DNM3: variants seen among roughly 807,000 people sequenced by gnomAD.
The protein encoded by DNM3 is dynamin 3.
DNM3 carries 47 observed loss-of-function variants against 101.6 expected under a neutral mutation model. That is an observed-to-expected ratio of 0.46 (90% CI 0.37 to 0.59). The LOEUF (loss-of-function observed/expected upper bound fraction) is 0.59. Ranked by LOEUF, DNM3 falls within the 20% of genes least tolerant of loss-of-function variation. The pLI is 0.00. For missense variants in DNM3, 849 were observed against 1,085.7 expected (o/e 0.78, Z 3.06); for synonymous variants, 385 against 387.9 (o/e 0.99, Z 0.09).
chr1:172,377,226 C>CT (rs56205587), intron 17 of DNM3, among the ~76,000 whole-genome samples: 73,563 of 151,518 alleles, frequency 0.49, 20,508 homozygotes, highest in East Asian at 0.87. Context: ...GTTCTCAGAG[C>CT]TTGAATATAT....
intron 4 of DNM3, among the ~76,000 whole-genome samples, chr1:172,027,617 C>CACACACACACACAGAG (rs34981346): frequency 1.2e-4 from 17 of 147,128 alleles, no homozygotes; most frequent in African/African-American, 4.4e-4. Flanking sequence ...CACACACACA[C>CACACACACACACAGAG]AGAGAGAGAG....
At chr1:171,896,600 A>C (rs1008398621) in intron 1 of DNM3, among the ~76,000 whole-genome samples, 10 of 152,178 alleles carry the variant, frequency 6.6e-5, no homozygotes, top group Non-Finnish European at 1.3e-4. Flanking sequence ...GTAAGCAGGG[A>C]CAATTTGACT....
intron 4 of DNM3, among the ~76,000 whole-genome samples, chr1:171,999,201 A>T (rs2046211177): frequency 6.6e-6 from 1 of 152,042 alleles, no homozygotes; most frequent in South Asian, 2.1e-4. Context: ...GGGTGAGGTG[A>T]TGTGCTTTGG....
chr1:172,121,148 C>T (rs190670404), intron 13 of DNM3, among the ~76,000 whole-genome samples: 1 of 152,230 alleles, frequency 6.6e-6, no homozygotes, highest in East Asian at 1.9e-4. Context: ...TTTGGAATCC[C>T]TTCCACATGG....
intron 14 of DNM3, among the ~76,000 whole-genome samples, chr1:172,216,647 T>C (rs1009197070): frequency 4.6e-5 from 7 of 152,160 alleles, no homozygotes; most frequent in African/African-American, 1.7e-4. Context: ...AAATGGAATT[T>C]AACTCCTTGG....
At chr1:172,381,273 G>A (rs1325287398) in intron 18 of DNM3, among the ~76,000 whole-genome samples, 2 of 151,964 alleles carry the variant, frequency 1.3e-5, no homozygotes. Context: ...CTTCAATTAA[G>A]ATCTGATCAC....
At chr1:172,363,787 C>G (rs2067868708) in intron 17 of DNM3, among the ~76,000 whole-genome samples, 1 of 151,726 alleles carries the variant, frequency 6.6e-6, no homozygotes, top group Admixed American at 6.6e-5. Context: ...GCCATATACT[C>G]TTCTTCTCAA....
intron 14 of DNM3, among the ~76,000 whole-genome samples, chr1:172,246,431 T>C (rs1054598760): frequency 6.6e-6 from 1 of 152,042 alleles, no homozygotes; most frequent in Non-Finnish European, 1.5e-5. Flanking sequence ...GCAATTGTGA[T>C]GGGAAAAGAC....
At chr1:171,916,948 ATTTCTTC>A (rs2039760889) in intron 1 of DNM3, among the ~76,000 whole-genome samples, 1 of 151,928 alleles carries the variant, frequency 6.6e-6, no homozygotes, top group Non-Finnish European at 1.5e-5. Context: ...CCTACCTCAT[ATTTCTTC>A]TCAGATATTG....
chr1:172,012,264 G>T (rs1030846782), intron 4 of DNM3, among the ~76,000 whole-genome samples: 11 of 152,030 alleles, frequency 7.2e-5, no homozygotes, highest in African/African-American at 2.7e-4. Flanking sequence ...AGTTATTATA[G>T]TTAGATTCAG....
chr1:172,401,408 G>T (rs1479789996), intron 20 of DNM3, among the ~76,000 whole-genome samples: 1 of 152,188 alleles, frequency 6.6e-6, no homozygotes, highest in Non-Finnish European at 1.5e-5. Context: ...ACAATGTAAA[G>T]AAAGTGTGAC....
intron 7 of DNM3, among the ~76,000 whole-genome samples, chr1:172,040,118 C>T (rs566214606): frequency 2.7e-4 from 41 of 152,146 alleles, no homozygotes; most frequent in African/African-American, 9.2e-4. Flanking sequence ...AACATTTGTT[C>T]TCGGATTAGT....
chr1:171,890,496 C>G (rs2037173038), intron 1 of DNM3, among the ~76,000 whole-genome samples: 1 of 152,132 alleles, frequency 6.6e-6, no homozygotes, highest in Non-Finnish European at 1.5e-5. Context: ...AACCATATTT[C>G]AAAGTTCTAA....
chr1:172,333,714 A>G (rs1558008713), intron 17 of DNM3, among the ~76,000 whole-genome samples: 2 of 152,194 alleles, frequency 1.3e-5, no homozygotes, highest in Non-Finnish European at 1.5e-5. Flanking sequence ...ATATTTAAAT[A>G]AGGGTTCAGA....
intron 14 of DNM3, among the ~76,000 whole-genome samples, chr1:172,248,591 A>C (rs1215578051): frequency 6.6e-6 from 1 of 152,072 alleles, no homozygotes; most frequent in African/African-American, 2.4e-5. Context: ...CCTTGAAATA[A>C]ATTTCAAGGC....
At chr1:172,081,998 A>G in intron 12 of DNM3, 96 bp downstream of exon 12, 1 of 1,280,644 alleles carries the variant, frequency 7.8e-7, no homozygotes, top group Non-Finnish European at 1.1e-6. Context: ...ACCTTTGAGA[A>G]TACAATCTGT....
chr1:171,996,444 G>T (rs184204158), intron 4 of DNM3, among the ~76,000 whole-genome samples: 1 of 152,140 alleles, frequency 6.6e-6, no homozygotes, highest in African/African-American at 2.4e-5. Flanking sequence ...TATATACAGT[G>T]GTTGAATAAC....
intron 14 of DNM3, among the ~76,000 whole-genome samples, chr1:172,229,208 C>A (rs1289019882): frequency 6.6e-6 from 1 of 152,140 alleles, no homozygotes; most frequent in Non-Finnish European, 1.5e-5. Flanking sequence ...GTCAACCAAC[C>A]ATTATGCTTA....
chr1:172,355,607 A>G (rs1479108023), intron 17 of DNM3, among the ~76,000 whole-genome samples: 1 of 152,100 alleles, frequency 6.6e-6, no homozygotes, highest in African/African-American at 2.4e-5. Context: ...ATTGGTAGTC[A>G]ATTTTAAGCT....
Sources: gnomAD v4.1 joint callset for allele counts (sites outside exome capture counted in the v4.1 genomes callset) on GRCh38, gnomAD v4.1.1 for gene constraint, MANE v1.5 for transcripts, NCBI Gene and HGNC (gene_info 2026-07-23, HGNC 2026-07-21) for gene names.